TSPAN7: variants seen among roughly 807,000 people sequenced by gnomAD.
The protein encoded by TSPAN7 is tetraspanin 7.
A neutral mutation model predicts 17.6 loss-of-function variants in TSPAN7; 1 was observed. The observed-to-expected ratio is 0.06, with a 90% CI of 0.02 to 0.27. The LOEUF (loss-of-function observed/expected upper bound fraction) is 0.27. Ranked by LOEUF, TSPAN7 falls within the 10% of genes least tolerant of loss-of-function variation. The probability of loss-of-function intolerance (pLI) is 1.00; values close to 1 mark genes in which losing one functional copy is unlikely to be tolerated. For synonymous variants in TSPAN7, 78 were observed against 79.0 expected, an observed-to-expected ratio of 0.99 and a Z score of 0.07; for missense variants, 112 against 201.7, an observed-to-expected ratio of 0.56 and a Z score of 2.69.
At chrX:38,583,140 T>C (rs1311905739) in intron 1 of TSPAN7, among the ~76,000 whole-genome samples, 1 of 112,432 alleles carries the variant, frequency 8.9e-6, no homozygotes, top group African/African-American at 3.2e-5. Context: ...AGTTCAAAAT[T>C]CCATGCATGT....
chrX:38,569,381 T>C (rs778655689), intron 1 of TSPAN7, among the ~76,000 whole-genome samples: 1 of 109,160 alleles, frequency 9.2e-6, no homozygotes, highest in East Asian at 2.9e-4. Context: ...GTAGAATCCA[T>C]GTCCACTGTG....
At chrX:38,632,411 C>A (rs2069556141) in intron 1 of TSPAN7, among the ~76,000 whole-genome samples, 2 of 112,098 alleles carry the variant, frequency 1.8e-5, no homozygotes, top group Admixed American at 1.9e-4. Flanking sequence ...AAAATTGAAT[C>A]ACTAAAATGC....
chrX:38,662,857 A>C (rs1388372150), intron 1 of TSPAN7, among the ~76,000 whole-genome samples: 1 of 110,187 alleles, frequency 9.1e-6, no homozygotes, highest in Non-Finnish European at 1.9e-5. Context: ...TGTCTAACCC[A>C]GTTTCCACGT....
chrX:38,668,533 A>G (rs2069798242), intron 2 of TSPAN7, among the ~76,000 whole-genome samples: 1 of 112,049 alleles, frequency 8.9e-6, no homozygotes, highest in African/African-American at 3.2e-5. Flanking sequence ...TAGATTCTAC[A>G]TATGTGTAAG....
At chrX:38,665,658 A>T (rs892762408) in intron 1 of TSPAN7, among the ~76,000 whole-genome samples, 1 of 112,179 alleles carries the variant, frequency 8.9e-6, no homozygotes, top group Non-Finnish European at 1.9e-5. Context: ...TTTCTGCAAT[A>T]ATAGTCAAAG....
intron 1 of TSPAN7, among the ~76,000 whole-genome samples, chrX:38,649,632 C>G (rs904472397): frequency 1.1e-4 from 12 of 111,207 alleles, no homozygotes; most frequent in African/African-American, 3.6e-4. Flanking sequence ...TGTGGCTACC[C>G]GAGTTGGGTT....
chrX:38,664,999 G>A (rs115519795), intron 1 of TSPAN7, among the ~76,000 whole-genome samples: 3,300 of 112,292 alleles, frequency 0.029, 127 homozygotes, highest in African/African-American at 0.1. Flanking sequence ...TTTGGTTCAT[G>A]GTATAGCATA....
intron 1 of TSPAN7, among the ~76,000 whole-genome samples, chrX:38,580,516 G>A (rs137925146): frequency 0.035 from 3,946 of 111,525 alleles, 180 homozygotes; most frequent in African/African-American, 0.12. Context: ...GGGCTGTGTG[G>A]TCCATGTGGA....
At chrX:38,666,514 C>T (rs1221560225) in intron 2 of TSPAN7, among the ~76,000 whole-genome samples, 2 of 110,973 alleles carry the variant, frequency 1.8e-5, no homozygotes, top group Admixed American at 9.5e-5. Flanking sequence ...GTCCCAGTCC[C>T]TCTGGGTAGA....
intron 1 of TSPAN7, among the ~76,000 whole-genome samples, chrX:38,601,082 T>C (rs370945669): frequency 8.9e-4 from 99 of 111,720 alleles, no homozygotes; most frequent in African/African-American, 3.0e-3. Flanking sequence ...GCAGAAGGTA[T>C]CCCTTCATGA....
intron 5 of TSPAN7, among the ~76,000 whole-genome samples, chrX:38,678,037 A>G (rs1452736720): frequency 2.7e-5 from 3 of 112,352 alleles, no homozygotes; most frequent in Non-Finnish European, 5.6e-5. Context: ...TCTTACCAGG[A>G]AGCTTGAGAA....
At chrX:38,619,394 A>G (rs2069476344) in intron 1 of TSPAN7, among the ~76,000 whole-genome samples, 1 of 111,976 alleles carries the variant, frequency 8.9e-6, no homozygotes, top group African/African-American at 3.3e-5. Flanking sequence ...TAGACTCTAA[A>G]TGGTACCTGA....
rs774362457 is a variant in TSPAN7, at chrX:38,669,152, T to C, written c.271-2224T>C. ...TAGGTAATGGATATGCTAACTACTC[T>C]GATTTGATCATTACACAGAGTATGC... On this transcript the variant is annotated intron_variant, in intron 2 of 7. Transcript: ENST00000378482. Among the ~76,000 whole-genome samples the C allele has an allele frequency of 3.6e-5, 4 of 112,212 alleles. No homozygotes were observed. In the East Asian group the frequency reaches 8.3e-4, roughly 23 times the overall value.
At chrX:38,583,732 GA>G (rs1391333096) in intron 1 of TSPAN7, among the ~76,000 whole-genome samples, 1 of 110,555 alleles carries the variant, frequency 9.0e-6, no homozygotes, top group Non-Finnish European at 1.9e-5. Context: ...CAATTCAGAT[GA>G]TGCAGAATTC....
At chrX:38,605,114 C>G (rs2147413618) in intron 1 of TSPAN7, among the ~76,000 whole-genome samples, 1 of 109,257 alleles carries the variant, frequency 9.2e-6, no homozygotes, top group African/African-American at 3.4e-5. Context: ...AAGAGGAAGT[C>G]AAATTGTCCC....
At chrX:38,566,126 T>C (rs961646670) in intron 1 of TSPAN7, among the ~76,000 whole-genome samples, 2 of 112,346 alleles carry the variant, frequency 1.8e-5, no homozygotes, top group Non-Finnish European at 3.8e-5. Context: ...TAGCAGAGCA[T>C]GCGCAACACA....
chrX:38,598,404 C>T (rs1233811992), intron 1 of TSPAN7, among the ~76,000 whole-genome samples: 2 of 111,427 alleles, frequency 1.8e-5, no homozygotes, highest in East Asian at 5.6e-4. Flanking sequence ...GATAACTCTC[C>T]CACCTCTGTG....
chrX:38,630,696 C>T (rs2069545340), intron 1 of TSPAN7, among the ~76,000 whole-genome samples: 1 of 111,682 alleles, frequency 9.0e-6, no homozygotes, highest in Non-Finnish European at 1.9e-5. Flanking sequence ...TTTTAAATCC[C>T]TCTCATTTTT....
chrX:38,652,537 G>A (rs1261849434), intron 1 of TSPAN7, among the ~76,000 whole-genome samples: 1 of 112,474 alleles, frequency 8.9e-6, no homozygotes, highest in East Asian at 2.8e-4. Flanking sequence ...CCCTAATACT[G>A]GCTTAAATAT....
Sources: gnomAD v4.1 joint callset for allele counts (sites outside exome capture counted in the v4.1 genomes callset) on GRCh38, gnomAD v4.1.1 for gene constraint, MANE v1.5 for transcripts, NCBI Gene and HGNC (gene_info 2026-07-23, HGNC 2026-07-21) for gene names.